CACNA2D3: variants seen among roughly 807,000 people sequenced by gnomAD.
The protein encoded by CACNA2D3 is calcium voltage-gated channel auxiliary subunit alpha2delta 3.
In CACNA2D3, 60 loss-of-function variants were observed where a neutral mutation model predicts 160.6. That is an observed-to-expected ratio of 0.37 (90% CI 0.30 to 0.46). The LOEUF (loss-of-function observed/expected upper bound fraction) is 0.46, where lower values mean the gene tolerates loss of function less well. Among genes scored for constraint, CACNA2D3 ranks in the 20% least tolerant of loss-of-function variants. The probability of loss-of-function intolerance (pLI) is 1.00; values close to 1 mark genes in which losing one functional copy is unlikely to be tolerated. For missense variants in CACNA2D3, 1,205 were observed against 1,365.0 expected, an observed-to-expected ratio of 0.88 and a Z score of 1.85; for synonymous variants, 558 against 492.9, an observed-to-expected ratio of 1.13 and a Z score of -1.75.
chr3:54,816,823 T>C, intron 13 of CACNA2D3, 30 bp from the exon 14 acceptor site: 2 of 1,610,900 alleles, frequency 1.2e-6, no homozygotes, highest in Non-Finnish European at 1.7e-6. Flanking sequence ...ACTTTTTTCT[T>C]TTTTGTTTTG....
chr3:54,807,186 A>G (rs904058105), intron 13 of CACNA2D3, among the ~76,000 whole-genome samples: 2 of 152,192 alleles, frequency 1.3e-5, no homozygotes, highest in African/African-American at 4.8e-5. Context: ...ATGGCAACAA[A>G]AGACAAAATT....
At chr3:54,920,118 TAGTACACAC>T (rs1280179973) in intron 27 of CACNA2D3, among the ~76,000 whole-genome samples, 1 of 152,198 alleles carries the variant, frequency 6.6e-6, no homozygotes, top group Non-Finnish European at 1.5e-5. Flanking sequence ...AGGAGATTCT[TAGTACACAC>T]AGTAAGTGAA....
At chr3:54,933,672 A>C (rs976063847) in intron 27 of CACNA2D3, among the ~76,000 whole-genome samples, 1 of 152,188 alleles carries the variant, frequency 6.6e-6, no homozygotes, top group African/African-American at 2.4e-5. Flanking sequence ...TTAAGTTTCA[A>C]ATGACCTGTT....
chr3:54,947,182 G>A (rs768207126), intron 27 of CACNA2D3, among the ~76,000 whole-genome samples: 3 of 152,130 alleles, frequency 2.0e-5, no homozygotes, highest in Non-Finnish European at 4.4e-5. Flanking sequence ...GAGCAGAGGC[G>A]GGTTAAGTAA....
At chr3:54,629,885 C>T (rs560024657) in intron 10 of CACNA2D3, among the ~76,000 whole-genome samples, 2 of 152,236 alleles carry the variant, frequency 1.3e-5, no homozygotes, top group South Asian at 2.1e-4. Flanking sequence ...TTTCTCTTTC[C>T]CTGTTCTCTG....
chr3:54,629,307 G>A (rs1699184295), intron 10 of CACNA2D3, among the ~76,000 whole-genome samples: 1 of 151,930 alleles, frequency 6.6e-6, no homozygotes, highest in African/African-American at 2.4e-5. Context: ...TTCATAACTT[G>A]GATTGTGGGT....
chr3:54,970,239 A>G (rs1702238448), intron 29 of CACNA2D3, among the ~76,000 whole-genome samples: 1 of 152,182 alleles, frequency 6.6e-6, no homozygotes. Flanking sequence ...TCTTGCAGAT[A>G]AGAAAAACTG....
chr3:54,540,052 A>G (rs771629279), intron 5 of CACNA2D3, among the ~76,000 whole-genome samples: 4 of 152,204 alleles, frequency 2.6e-5, no homozygotes, highest in Non-Finnish European at 5.9e-5. Context: ...TTTCTTCCCA[A>G]GTGAATTTCT....
intron 4 of CACNA2D3, among the ~76,000 whole-genome samples, chr3:54,465,970 C>T (rs1015081907): frequency 2.6e-5 from 4 of 152,034 alleles, no homozygotes; most frequent in Non-Finnish European, 4.4e-5. Context: ...AGACTGAGGT[C>T]CCCCCTGCCT....
rs145677818 is a variant in CACNA2D3 at position 54,984,581 on chromosome 3, G to GTT, written c.2557-23_2557-22dup. Reference sequence around the variant, plus strand: ...GGCCCGAAGTTGAAGCTGTTTTTTTGTTTTTGTTTTTTTTTTAATTTTCTA... The same window carrying GTT: ...GGCCCGAAGTTGAAGCTGTTTTTTTGTTTTTTTGTTTTTTTTTTAATTTTCTA... On this transcript the variant is annotated intron_variant, in intron 29 of 37. Transcript: ENST00000474759. The GTT allele has an allele frequency of 9.4e-5, 132 of 1,397,406 alleles. No individual in the cohort carries two copies. In the African/African-American group the frequency reaches 1.7e-3, roughly 18 times the overall value. The allele number at this position is 1,397,406 out of a possible 1,614,324, so 86.6% of individuals were successfully genotyped here.
At chr3:54,934,569 C>T (rs1311927831) in intron 27 of CACNA2D3, among the ~76,000 whole-genome samples, 1 of 152,154 alleles carries the variant, frequency 6.6e-6, no homozygotes, top group Non-Finnish European at 1.5e-5. Flanking sequence ...TGTATGCCTC[C>T]AGCCTCCCTA....
At chr3:54,276,150 C>A (rs1055246163) in intron 2 of CACNA2D3, among the ~76,000 whole-genome samples, 1 of 152,134 alleles carries the variant, frequency 6.6e-6, no homozygotes, top group East Asian at 1.9e-4. Flanking sequence ...GCCCTCTACT[C>A]TTCCCAAATG....
chr3:54,350,972 T>TG (rs1559457751), intron 3 of CACNA2D3, among the ~76,000 whole-genome samples: 9 of 47,238 alleles, frequency 1.9e-4, no homozygotes, highest in Non-Finnish European at 3.3e-4. Flanking sequence ...GAGTCTGTTT[T>TG]TTTTTTTTTG....
chr3:54,612,958 G>C (rs1356566374), intron 9 of CACNA2D3, among the ~76,000 whole-genome samples: 1 of 152,190 alleles, frequency 6.6e-6, no homozygotes, highest in African/African-American at 2.4e-5. Context: ...ATACAGGAAA[G>C]GGTTTTGGTG....
intron 2 of CACNA2D3, among the ~76,000 whole-genome samples, chr3:54,268,829 G>A (rs1483775781): frequency 6.6e-6 from 1 of 152,194 alleles, no homozygotes; most frequent in Non-Finnish European, 1.5e-5. Context: ...GTCTTCTAAT[G>A]ATTATGTCAT....
At chr3:54,754,075 G>T (rs1427783689) in intron 12 of CACNA2D3, among the ~76,000 whole-genome samples, 1 of 152,160 alleles carries the variant, frequency 6.6e-6, no homozygotes, top group South Asian at 2.1e-4. Context: ...GACATAATAA[G>T]TGCTCAATAA....
chr3:54,471,421 T>G (rs1700729739), intron 4 of CACNA2D3, among the ~76,000 whole-genome samples: 1 of 152,198 alleles, frequency 6.6e-6, no homozygotes, highest in East Asian at 1.9e-4. Flanking sequence ...GGGAAATTTA[T>G]AGCACTAAAT....
intron 12 of CACNA2D3, 41 bp downstream of exon 12, chr3:54,752,718 C>T (rs774538312): frequency 9.4e-6 from 13 of 1,388,486 alleles, no homozygotes; most frequent in Non-Finnish European, 1.1e-5. Context: ...TAACTTCCAC[C>T]TACTTGTGCA....
chr3:54,927,431 C>T (rs755174614), intron 27 of CACNA2D3, among the ~76,000 whole-genome samples: 9 of 152,192 alleles, frequency 5.9e-5, no homozygotes, highest in Non-Finnish European at 1.2e-4. Context: ...ACATCTTCCC[C>T]TCAGTAATGA....
Sources: gnomAD v4.1 joint callset for allele counts (sites outside exome capture counted in the v4.1 genomes callset) on GRCh38, gnomAD v4.1.1 for gene constraint, MANE v1.5 for transcripts, NCBI Gene and HGNC (gene_info 2026-07-23, HGNC 2026-07-21) for gene names.